The following SUGCT variants were observed in gnomAD, a reference collection of about 807,000 sequenced individuals.
SUGCT encodes succinyl-CoA:glutarate CoA-transferase.
A neutral mutation model predicts 55.0 loss-of-function variants in SUGCT; 41 were observed. The ratio of observed to expected loss-of-function variants is 0.74; its 90% confidence interval spans 0.58 to 0.97. SUGCT has a LOEUF of 0.97. Ranked by LOEUF, SUGCT falls within the 50% of genes least tolerant of loss-of-function variation. The probability of loss-of-function intolerance (pLI) is 0.00; values close to 1 mark genes in which losing one functional copy is unlikely to be tolerated. For synonymous variants in SUGCT, 187 were observed against 200.4 expected, an observed-to-expected ratio of 0.93 and a Z score of 0.56; for missense variants, 568 against 547.8, an observed-to-expected ratio of 1.04 and a Z score of -0.37.
At chr7:40,440,252 C>G (rs1352390322) in intron 9 of SUGCT, among the ~76,000 whole-genome samples, 1 of 144,668 alleles carries the variant, frequency 6.9e-6, no homozygotes, top group African/African-American at 2.6e-5. Context: ...CTCTGCTTCC[C>G]GGGTTGAAGT....
At chr7:40,417,045 CATATAAT>C (rs1186096940) in intron 9 of SUGCT, among the ~76,000 whole-genome samples, 3 of 151,912 alleles carry the variant, frequency 2.0e-5, no homozygotes, top group Non-Finnish European at 4.4e-5. Flanking sequence ...CATAGAGTTG[CATATAAT>C]ATTTTCATAA....
chr7:40,701,730 TA>T (rs1386900766), intron 12 of SUGCT, among the ~76,000 whole-genome samples: 1 of 152,228 alleles, frequency 6.6e-6, no homozygotes, highest in Non-Finnish European at 1.5e-5. Flanking sequence ...TCTAAAATTG[TA>T]ACATGCTCTG....
the SUGCT span, among the ~76,000 whole-genome samples, chr7:40,926,786 G>T: frequency 6.6e-6 from 1 of 152,206 alleles, no homozygotes; most frequent in Non-Finnish European, 1.5e-5. Context: ...CCAGAACTGT[G>T]AGAAATAAAT....
the SUGCT span, among the ~76,000 whole-genome samples, chr7:40,908,244 G>C: frequency 9.2e-4 from 139 of 151,892 alleles, 2 homozygotes; most frequent in East Asian, 0.022. Flanking sequence ...TTAGCTGGGC[G>C]TGGTGGCGGG....
intron 9 of SUGCT, among the ~76,000 whole-genome samples, chr7:40,392,150 G>A (rs1390106828): frequency 6.6e-6 from 1 of 152,112 alleles, no homozygotes; most frequent in African/African-American, 2.4e-5. Flanking sequence ...GGGGAGATGG[G>A]GGAGGGATAG....
intron 1 of SUGCT, among the ~76,000 whole-genome samples, chr7:40,146,013 A>G (rs1173147698): frequency 2.6e-5 from 4 of 151,950 alleles, no homozygotes; most frequent in African/African-American, 9.7e-5. Context: ...GGTTAAGAGA[A>G]TTTTCAGTGG....
chr7:40,883,714 A>T, the SUGCT span, among the ~76,000 whole-genome samples: 1 of 152,154 alleles, frequency 6.6e-6, no homozygotes, highest in Admixed American at 6.5e-5. Context: ...GATGTACTTT[A>T]CCTGTTTTAA....
At chr7:40,725,285 A>G (rs906067483) in intron 12 of SUGCT, among the ~76,000 whole-genome samples, 6 of 152,200 alleles carry the variant, frequency 3.9e-5, no homozygotes, top group African/African-American at 1.4e-4. Flanking sequence ...AAGCAGTAAT[A>G]TAGAGGACTC....
the SUGCT span, among the ~76,000 whole-genome samples, chr7:40,930,748 C>T: frequency 1.4e-4 from 21 of 152,138 alleles, no homozygotes; most frequent in Admixed American, 7.9e-4. Flanking sequence ...ATAGGAATGC[C>T]TGTGATTTTT....
intron 12 of SUGCT, among the ~76,000 whole-genome samples, chr7:40,627,316 T>A (rs556113549): frequency 6.6e-6 from 1 of 152,242 alleles, no homozygotes; most frequent in Non-Finnish European, 1.5e-5. Flanking sequence ...CAGAATCTTC[T>A]TGGGTCCAAA....
chr7:40,362,002 A>G (rs57506377), intron 9 of SUGCT, among the ~76,000 whole-genome samples: 2,280 of 152,162 alleles, frequency 0.015, 52 homozygotes, highest in South Asian at 0.059. Context: ...TGAGGGGATC[A>G]CAATATTTAA....
At chr7:40,801,116 A>G (rs952831359) in intron 13 of SUGCT, among the ~76,000 whole-genome samples, 2 of 152,230 alleles carry the variant, frequency 1.3e-5, no homozygotes, top group African/African-American at 4.8e-5. Flanking sequence ...ACTAATAGGT[A>G]GAAAGAAGAA....
chr7:40,539,530 G>A (rs1007116425), intron 12 of SUGCT: 3 of 152,118 alleles, frequency 2.0e-5, no homozygotes, highest in Admixed American at 6.5e-5. Context: ...AGTGTCACGC[G>A]TTTCATAAGA....
chr7:40,292,628 C>T (rs947126083), intron 8 of SUGCT, among the ~76,000 whole-genome samples: 5 of 152,106 alleles, frequency 3.3e-5, no homozygotes, highest in African/African-American at 1.2e-4. Context: ...TCTCCTTTTG[C>T]CTTCTGCTAA....
chr7:40,590,919 A>G (rs964777974), intron 12 of SUGCT, among the ~76,000 whole-genome samples: 3 of 152,306 alleles, frequency 2.0e-5, no homozygotes, highest in South Asian at 4.1e-4. Context: ...AAAAAAAATT[A>G]TTTTAAAATA....
At chr7:40,829,821 C>T (rs1792558445) in intron 13 of SUGCT, among the ~76,000 whole-genome samples, 1 of 152,076 alleles carries the variant, frequency 6.6e-6, no homozygotes, top group Non-Finnish European at 1.5e-5. Context: ...AGGCCTGCAC[C>T]CTTCCCTAGC....
At chr7:40,852,430 C>A (rs1335778006) in intron 13 of SUGCT, among the ~76,000 whole-genome samples, 1 of 152,098 alleles carries the variant, frequency 6.6e-6, no homozygotes, top group African/African-American at 2.4e-5. Context: ...CAAAAGTATT[C>A]CTTATTGTAA....
intron 11 of SUGCT, among the ~76,000 whole-genome samples, chr7:40,489,786 ATC>A (rs1227823412): frequency 6.6e-6 from 1 of 152,154 alleles, no homozygotes; most frequent in Non-Finnish European, 1.5e-5. Flanking sequence ...CACTTCACTG[ATC>A]TCTATCTCTT....
intron 9 of SUGCT, among the ~76,000 whole-genome samples, chr7:40,329,882 T>G (rs1796219493): frequency 6.6e-6 from 1 of 152,210 alleles, no homozygotes; most frequent in South Asian, 2.1e-4. Context: ...CATTGATTAT[T>G]TAAGGTAAAA....
Sources: allele counts gnomAD v4.1 joint callset (sites outside exome capture counted in the v4.1 genomes callset), GRCh38; gene constraint gnomAD v4.1.1; transcripts MANE v1.5; gene names NCBI Gene and HGNC (gene_info 2026-07-23, HGNC 2026-07-21).